The following ARHGEF10 variants were observed in gnomAD, a reference collection of about 807,000 sequenced individuals.
ARHGEF10 encodes Rho guanine nucleotide exchange factor (GEF) 10.
A neutral mutation model predicts 147.4 loss-of-function variants in ARHGEF10; 140 were observed. That is an observed-to-expected ratio of 0.95 (90% CI 0.83 to 1.09). The LOEUF (loss-of-function observed/expected upper bound fraction) is 1.09, where lower values mean the gene tolerates loss of function less well. Among genes scored for constraint, ARHGEF10 ranks in the 50% least tolerant of loss-of-function variants. ARHGEF10 has a pLI of 0.00. For synonymous variants in ARHGEF10, 902 were observed against 695.8 expected, an observed-to-expected ratio of 1.30 and a Z score of -4.67; for missense variants, 2,222 against 1,752.7, an observed-to-expected ratio of 1.27 and a Z score of -4.78.
At chr8:1,919,836 C>T (rs1469252065) in intron 18 of ARHGEF10, among the ~76,000 whole-genome samples, 1 of 117,780 alleles carries the variant, frequency 8.5e-6, no homozygotes, top group Non-Finnish European at 1.7e-5. Context: ...GCTGTTCTGT[C>T]AGTGATGGAG....
Position 1,907,774 on chromosome 8 carries a change from A to AATTCCTTTCCC in ARHGEF10, c.1968-1518_1968-1508dup, listed in dbSNP as rs1055668987. Among the ~76,000 whole-genome samples the AATTCCTTTCCC allele has an allele frequency of 2.0e-5, 3 of 152,270 alleles. No individual in the cohort carries two copies. The South Asian group carries it at 6.2e-4, about 32-fold the overall frequency. On this transcript the variant is annotated intron_variant, in intron 17 of 28. Transcript: ENST00000349830. ...TTTGCGAAGTGCAGTGGTGAGTCGC[A>AATTCCTTTCCC]ATTCCTTTCCCATGGACATGTTGTC...
At position 1,885,543 on chromosome 8, in the gene ARHGEF10, A is replaced by G. The variant is rs535402221; in HGVS notation, c.1076-58A>G. On this transcript the variant is annotated intron_variant, in intron 10 of 28. Coordinates refer to ENST00000349830, the MANE Select transcript of ARHGEF10 (RefSeq NM_014629.4). ...ATTTGACTTTTTTTTACTGTACTGT[A>G]GTGTTGTGAATATATTATTTGAATG... 54 of 1,187,678 alleles carry G rather than the reference A, an allele frequency of 4.5e-5. No homozygotes were observed. In the Middle Eastern group the frequency reaches 1.5e-3, roughly 34 times the overall value. The allele number at this position is 1,187,678 out of a possible 1,614,324, so 73.6% of individuals were successfully genotyped here.
chr8:1,857,747 C>G (rs1276315226), intron 2 of ARHGEF10, among the ~76,000 whole-genome samples: 6 of 151,890 alleles, frequency 4.0e-5, no homozygotes, highest in Non-Finnish European at 7.4e-5. Context: ...GTTGTAGATC[C>G]TATTAAAAGA....
rs778462020 is a variant in ARHGEF10 at position 1,860,121 on chromosome 8, C to A, written c.418C>A (p.Pro140Thr). ...CGGCTATGCGGTGCCCTCCAACCTG[C>A]CCCTCCTGCTGCCCGCCTACTCCAG... ...PCGYAVPSNL[P>T]LLLPAYSSPV... The change falls in exon 4 of 29, where the codon CCC becomes ACC. Residue 140 changes from proline (P) to threonine (T), a missense_variant. Pro to Thr is a conservative substitution (Grantham distance 38). Transcript: ENST00000349830. 1.2e-6 allele frequency: 2 copies of A among 1,614,068 alleles called. No homozygotes were observed. Among genetic ancestry groups the A allele is most frequent in the East Asian group, 2.2e-5 (1 of 44,882 alleles).
intron 11 of ARHGEF10, among the ~76,000 whole-genome samples, chr8:1,888,162 G>T (rs1214315701): frequency 8.7e-5 from 6 of 68,950 alleles, no homozygotes; most frequent in South Asian, 3.7e-4. Flanking sequence ...GGCGAGGGTT[G>T]CGAGGAGACA....
chr8:1,852,246 C>T (rs1805212645), intron 2 of ARHGEF10, among the ~76,000 whole-genome samples: 2 of 149,218 alleles, frequency 1.3e-5, no homozygotes, highest in Non-Finnish European at 1.5e-5. Context: ...GGAGCAGCAC[C>T]GTTTCTGTCC....
At chr8:1,902,813 G>C (rs1418257122) in intron 15 of ARHGEF10, among the ~76,000 whole-genome samples, 2 of 152,208 alleles carry the variant, frequency 1.3e-5, no homozygotes, top group African/African-American at 2.4e-5. Flanking sequence ...GTCACTGTGA[G>C]AGAGACTCGA....
intron 18 of ARHGEF10, among the ~76,000 whole-genome samples, chr8:1,912,253 G>A (rs1319450038): frequency 2.6e-5 from 4 of 151,844 alleles, no homozygotes; most frequent in African/African-American, 4.8e-5. Flanking sequence ...TGGATTGTGC[G>A]TTTGCCGTGC....
rs370722271 is a variant in ARHGEF10, at chr8:1,896,287, T to C, written c.1441-46T>C. On this transcript the variant is annotated intron_variant, in intron 13 of 28. Transcript: ENST00000349830. ...CTTCTGTTTTATGTTGGAAAAGGGA[T>C]ATCTGGACTCTGTGATTTCTCTCTG... 6.9e-6 allele frequency: 9 copies of C among 1,309,848 alleles called. No individual in the cohort carries two copies. The East Asian group carries it at 6.9e-5, about 10-fold the overall frequency. The allele number at this position is 1,309,848 out of a possible 1,614,324, so 81.1% of individuals were successfully genotyped here.
At chr8:1,934,074 C>T in intron 26 of ARHGEF10, 132 bp downstream of exon 26, 3 of 1,212,230 alleles carry the variant, frequency 2.5e-6, no homozygotes, top group Admixed American at 1.9e-5. Context: ...GTGGCTCATG[C>T]CTGTAATGCC....
chr8:1,877,530 A>T (rs1163366147), intron 8 of ARHGEF10, among the ~76,000 whole-genome samples: 2 of 152,144 alleles, frequency 1.3e-5, no homozygotes, highest in African/African-American at 4.8e-5. Context: ...ACCCAGCCGG[A>T]TGATCCTTTC....
intron 9 of ARHGEF10, among the ~76,000 whole-genome samples, chr8:1,881,924 T>G (rs771937657): frequency 6.6e-6 from 1 of 152,150 alleles, no homozygotes; most frequent in Non-Finnish European, 1.5e-5. Context: ...ACCTCAGATG[T>G]TGGGTTTTTA....
chr8:1,946,634 G>A (rs192886179), intron 27 of ARHGEF10, among the ~76,000 whole-genome samples: 8 of 152,190 alleles, frequency 5.3e-5, no homozygotes, highest in Non-Finnish European at 7.3e-5. Flanking sequence ...CCGCCTCCTC[G>A]CACCATCCCA....
intron 18 of ARHGEF10, among the ~76,000 whole-genome samples, chr8:1,920,504 TC>T (rs1180170613): frequency 2.6e-5 from 2 of 77,194 alleles, no homozygotes; most frequent in African/African-American, 9.4e-5. Context: ...TTTTTTAAAC[TC>T]TATGTTTTTG....
At chr8:1,846,566 T>C (rs1403151712) in intron 2 of ARHGEF10, among the ~76,000 whole-genome samples, 5 of 152,214 alleles carry the variant, frequency 3.3e-5, no homozygotes, top group African/African-American at 9.6e-5. Context: ...ATTGTAGTCA[T>C]TGAATATAAA....
intron 6 of ARHGEF10, among the ~76,000 whole-genome samples, chr8:1,867,949 T>TA (rs781612558): frequency 1.1e-4 from 17 of 152,350 alleles, no homozygotes; most frequent in Non-Finnish European, 2.1e-4. Flanking sequence ...GCAGGATCGT[T>TA]ACAGGATTAA....
chr8:1,934,912 G>A (rs1464925333), intron 26 of ARHGEF10, among the ~76,000 whole-genome samples: 1 of 152,040 alleles, frequency 6.6e-6, no homozygotes, highest in African/African-American at 2.4e-5. Context: ...AAAAATTCCT[G>A]TATATATGAC....
intron 12 of ARHGEF10, 104 bp from the exon 13 acceptor site, chr8:1,894,289 G>A: frequency 8.4e-7 from 1 of 1,191,994 alleles, no homozygotes. Context: ...GTTTGAGGCT[G>A]CAGTGAGCCA....
intron 2 of ARHGEF10, among the ~76,000 whole-genome samples, chr8:1,851,425 C>G (rs1011431733): frequency 6.6e-6 from 1 of 152,070 alleles, no homozygotes; most frequent in Non-Finnish European, 1.5e-5. Flanking sequence ...CTAACACACA[C>G]CGTGGGCTTT....
Sources: gnomAD v4.1 joint callset for allele counts (sites outside exome capture counted in the v4.1 genomes callset) on GRCh38, gnomAD v4.1.1 for gene constraint, MANE v1.5 for transcripts, NCBI Gene and HGNC (gene_info 2026-07-23, HGNC 2026-07-21) for gene names.